Variants in CEP128 observed in about 807,000 individuals in gnomAD.
The protein encoded by CEP128 is centrosomal protein 128kDa.
CEP128 carries 132 observed loss-of-function variants against 156.7 expected under a neutral mutation model. That is an observed-to-expected ratio of 0.84 (90% confidence interval 0.73 to 0.97). CEP128 has a LOEUF of 0.97. CEP128 is among the 50% of genes least tolerant of loss of function. The probability of loss-of-function intolerance (pLI) is 0.00; values close to 1 mark genes in which losing one functional copy is unlikely to be tolerated. For missense variants in CEP128, 1,252 were observed against 1,281.9 expected (o/e 0.98, Z 0.36); for synonymous variants, 469 against 448.9 (o/e 1.04, Z -0.57).
chr14:80,861,441 T>G (rs1887506941), intron 9 of CEP128, among the ~76,000 whole-genome samples: 1 of 152,076 alleles, frequency 6.6e-6, no homozygotes, highest in Non-Finnish European at 1.5e-5. Flanking sequence ...ACCAGTAATG[T>G]AACAAATCAA....
chr14:80,503,036 T>A (rs942067961), intron 24 of CEP128, among the ~76,000 whole-genome samples: 2 of 152,164 alleles, frequency 1.3e-5, no homozygotes, highest in African/African-American at 4.8e-5. Flanking sequence ...TAGGATTAAA[T>A]TTTTTAAAGT....
In CEP128 at chr14:80,900,030, C is replaced by A; in HGVS notation, c.481-1G>T. On this transcript the variant is annotated splice_acceptor_variant, in intron 6 of 24. Coordinates refer to ENST00000555265, the MANE Select transcript of CEP128 (RefSeq NM_152446.5). LOFTEE classifies it high-confidence loss of function. ...GAAGAGACTGATGAAAACCATGAAG[C>A]TAGCAAAGGCAAAACACAGTTATCC... 5.0e-6 allele frequency: 8 copies of A among 1,600,238 alleles called. No individual in the cohort carries two copies. Among genetic ancestry groups the A allele is most frequent in the Non-Finnish European group, 6.8e-6 (8 of 1,169,488 alleles).
intron 1 of CEP128, among the ~76,000 whole-genome samples, 192 bp from the exon 2 acceptor site, chr14:80,939,732 T>C (rs1468305862): frequency 6.6e-6 from 1 of 152,208 alleles, no homozygotes; most frequent in African/African-American, 2.4e-5. Context: ...AGCCCACATA[T>C]TGTCACTGGT....
intron 14 of CEP128, among the ~76,000 whole-genome samples, chr14:80,790,813 C>T (rs966009351): frequency 7.7e-6 from 1 of 130,130 alleles, no homozygotes; most frequent in African/African-American, 2.7e-5. Context: ...AAAAAGAGAA[C>T]TGGTGGTAGA....
At chr14:80,495,768 A>G (rs1455376377), downstream of CEP128, among the ~76,000 whole-genome samples, 3 of 152,156 alleles carry the variant, frequency 2.0e-5, no homozygotes, top group Non-Finnish European at 4.4e-5. Context: ...TAAAAGAAAA[A>G]GTTATTTAAC....
chr14:80,838,427 A>T, intron 10 of CEP128, 149 bp from the exon 11 acceptor site: 3 of 592,814 alleles, frequency 5.1e-6, no homozygotes, highest in Non-Finnish European at 9.0e-6. Flanking sequence ...CACTATGAAC[A>T]TATATCAATA....
Position 80,796,577 on chromosome 14 carries a change from CTCTA to C in CEP128, c.1210-3471_1210-3468del, listed in dbSNP as rs779921682. Among the ~76,000 whole-genome samples, 127 of 152,256 alleles carry C rather than the reference CTCTA, an allele frequency of 8.3e-4. 1 individual carries two copies. Among genetic ancestry groups the C allele is most frequent in the South Asian group, 2.1e-3 (10 of 4,824 alleles). ...TTCATAATACTACTTCTCACTAGTTCTCTATCTTCTTATTCTTCTTCTTTCATAA... is the reference window on the plus strand; with the variant it reads ...TTCATAATACTACTTCTCACTAGTTCTCTTCTTATTCTTCTTCTTTCATAA... On this transcript the variant is annotated intron_variant, in intron 13 of 24. Coordinates refer to ENST00000555265, the MANE Select transcript of CEP128 (RefSeq NM_152446.5).
intron 19 of CEP128, among the ~76,000 whole-genome samples, chr14:80,643,935 GA>G (rs1285102385): frequency 6.6e-6 from 1 of 152,148 alleles, no homozygotes; most frequent in Non-Finnish European, 1.5e-5. Context: ...GTGAGTCAAG[GA>G]TTTGAAGATG....
At chr14:80,878,214 G>A (rs550342315) in intron 8 of CEP128, among the ~76,000 whole-genome samples, 3 of 152,114 alleles carry the variant, frequency 2.0e-5, no homozygotes, top group South Asian at 4.1e-4. Flanking sequence ...ACTGACTCAC[G>A]TAGCTGCACT....
chr14:80,638,793 G>A (rs531880879), intron 19 of CEP128, among the ~76,000 whole-genome samples: 1 of 152,052 alleles, frequency 6.6e-6, no homozygotes, highest in Non-Finnish European at 1.5e-5. Flanking sequence ...TCTGAACACA[G>A]GTCATTAAAA....
chr14:80,727,956 T>TA (rs1180192321), intron 19 of CEP128, among the ~76,000 whole-genome samples: 2 of 152,086 alleles, frequency 1.3e-5, no homozygotes, highest in East Asian at 3.9e-4. Context: ...AGGCAATTTC[T>TA]AAAAAAACTT....
intron 19 of CEP128, among the ~76,000 whole-genome samples, chr14:80,589,050 C>T (rs1287400893): frequency 1.3e-5 from 2 of 151,988 alleles, no homozygotes; most frequent in African/African-American, 4.8e-5. Flanking sequence ...CCATGTGGGT[C>T]CAATGTAATC....
In CEP128 at chr14:80,722,821, CTTT is replaced by C. The variant is rs142796338; in HGVS notation, c.2806+20251_2806+20253del. On this transcript the variant is annotated intron_variant, in intron 19 of 24. Transcript: ENST00000555265. ...TCTGGTAGCAGAGGTTACTCTTTAT[CTTT>C]TTTTTTTTTTTTTTTTTTTGAGACG... Among the ~76,000 whole-genome samples, 175 of 103,946 alleles carry C rather than the reference CTTT, an allele frequency of 1.7e-3. No individual in the cohort carries two copies. The South Asian group carries it at 0.029, about 17-fold the overall frequency. 68.2% of individuals were successfully genotyped at this position (103,946 alleles called of 152,430 possible). A position where few individuals can be genotyped will look rare whatever the true frequency, so the allele number is the denominator to read the frequency against.
chr14:80,913,605 A>G (rs1269987427), intron 4 of CEP128, among the ~76,000 whole-genome samples: 1 of 152,202 alleles, frequency 6.6e-6, no homozygotes, highest in Admixed American at 6.5e-5. Flanking sequence ...TCGCTTATAA[A>G]GGAGAGCTAA....
chr14:80,857,741 AAACAAC>A (rs899235752), intron 9 of CEP128, among the ~76,000 whole-genome samples: 1 of 138,262 alleles, frequency 7.2e-6, no homozygotes, highest in African/African-American at 3.2e-5. Context: ...TCTCAAAAAA[AAACAAC>A]AACAACAACA....
intron 19 of CEP128, among the ~76,000 whole-genome samples, chr14:80,741,986 C>T (rs1323073862): frequency 6.6e-6 from 1 of 151,990 alleles, no homozygotes; most frequent in African/African-American, 2.4e-5. Flanking sequence ...TAAAAATGTC[C>T]CCACAGGGAC....
chr14:80,634,557 G>A (rs11849502), intron 19 of CEP128, among the ~76,000 whole-genome samples: 19,716 of 152,040 alleles, frequency 0.13, 1,539 homozygotes, highest in East Asian at 0.34. Flanking sequence ...CGCTTAGTAG[G>A]CATTTTTTCC....
chr14:80,856,715 CTTTTCT>C lies in CEP128; in HGVS notation c.762+6036_762+6041del, dbSNP rs1318411879. ...TGTCCAGCATTTATCTCATGTTTTT[CTTTTCT>C]TTTTTTTTTTTTTTTTTTTTTTTTT... is the stretch of plus-strand genomic sequence containing the variant. On this transcript the variant is annotated intron_variant, in intron 9 of 24. Transcript: ENST00000555265. Among the ~76,000 whole-genome samples the C allele has an allele frequency of 2.2e-3, 162 of 73,166 alleles. 11 individuals are homozygous for C. The highest frequency in any genetic ancestry group is 8.0e-3 in the African/African-American group (154 of 19,296). 48.0% of individuals were successfully genotyped at this position (73,166 alleles called of 152,430 possible). A position where few individuals can be genotyped will look rare whatever the true frequency, so the allele number is the denominator to read the frequency against.
chr14:80,485,403 C>G (rs1887140340), intron 14 of CEP128, among the ~76,000 whole-genome samples: 1 of 151,922 alleles, frequency 6.6e-6, no homozygotes, highest in South Asian at 2.1e-4. Context: ...AATTTCATTC[C>G]TTTTTCTGAG....
Sources: allele counts gnomAD v4.1 joint callset (sites outside exome capture counted in the v4.1 genomes callset), GRCh38; gene constraint gnomAD v4.1.1; transcripts MANE v1.5; gene names NCBI Gene and HGNC (gene_info 2026-07-23, HGNC 2026-07-21).